The following TNRC6C variants were observed in gnomAD, a reference collection of about 807,000 sequenced individuals.
TNRC6C encodes the protein trinucleotide repeat containing adaptor 6C, also known as trinucleotide repeat-containing gene 6C protein.
A neutral mutation model predicts 153.7 loss-of-function variants in TNRC6C; 20 were observed. The ratio of observed to expected loss-of-function variants is 0.13; its 90% CI spans 0.09 to 0.19. The LOEUF (loss-of-function observed/expected upper bound fraction) is 0.19. Among genes scored for constraint, TNRC6C ranks in the 10% least tolerant of loss-of-function variants. TNRC6C has a pLI of 1.00. For missense variants in TNRC6C, 1,987 were observed against 2,172.0 expected (o/e 0.91, Z 1.69); for synonymous variants, 811 against 841.4 (o/e 0.96, Z 0.63).
At chr17:78,103,313 T>C in intron 18 of TNRC6C, 101 bp from the exon 22 acceptor site, 5 of 1,364,428 alleles carry the variant, frequency 3.7e-6, no homozygotes, top group Non-Finnish European at 5.0e-6. Context: ...AAAACATTCC[T>C]AGTGTTTAGT....
At chr17:77,984,531 AGGG>A (rs769853392) in intron 1 of TNRC6C, among the ~76,000 whole-genome samples, 2 of 152,056 alleles carry the variant, frequency 1.3e-5, no homozygotes, top group Non-Finnish European at 2.9e-5. Context: ...AAAAAGAAGT[AGGG>A]GGTATCTCTC....
intron 1 of TNRC6C, among the ~76,000 whole-genome samples, chr17:77,972,077 C>G (rs577026266): frequency 6.6e-6 from 1 of 151,442 alleles, no homozygotes; most frequent in Non-Finnish European, 1.5e-5. Flanking sequence ...GGAGTGGAAA[C>G]CAAAGAAATA....
intron 1 of TNRC6C, among the ~76,000 whole-genome samples, chr17:77,970,547 G>A (rs776570696): frequency 1.3e-5 from 2 of 152,170 alleles, no homozygotes; most frequent in Admixed American, 6.6e-5. Context: ...GACTGAGACT[G>A]GTATAGAGTC....
intron 7 of TNRC6C, among the ~76,000 whole-genome samples, chr17:78,074,143 C>T (rs2073045232): frequency 6.6e-6 from 1 of 152,144 alleles, no homozygotes; most frequent in South Asian, 2.1e-4. Flanking sequence ...CATGAGACAG[C>T]ACCTCAGCAC....
At chr17:78,062,351 T>TA (rs11432950) in intron 3 of TNRC6C, among the ~76,000 whole-genome samples, 151,182 of 152,310 alleles carry the variant, frequency 0.99, 75,030 homozygotes, top group East Asian at 1. Context: ...TTTCTTAGAA[T>TA]AAGAGTATCA....
intron 3 of TNRC6C, among the ~76,000 whole-genome samples, chr17:78,063,053 C>A (rs1379341211): frequency 6.6e-6 from 1 of 151,948 alleles, no homozygotes; most frequent in Non-Finnish European, 1.5e-5. Flanking sequence ...CGAGACCAGC[C>A]TGGCCAACAT....
At chr17:78,038,094 G>GAAAGAACTACAGAAA (rs2072216354) in intron 2 of TNRC6C, among the ~76,000 whole-genome samples, 1 of 152,144 alleles carries the variant, frequency 6.6e-6, no homozygotes, top group Non-Finnish European at 1.5e-5. Context: ...ACTACAGAAA[G>GAAAGAACTACAGAAA]ATGACGTAAG....
rs1424592243 is a variant in TNRC6C, at chr17:78,079,773, AC to A, written c.3357+234del. Among the ~76,000 whole-genome samples, 2 of 152,202 alleles carry A rather than the reference AC, an allele frequency of 1.3e-5. No individual in the cohort carries two copies. Among genetic ancestry groups the A allele is most frequent in the African/African-American group, 2.4e-5 (1 of 41,440 alleles). On this transcript the variant is annotated intron_variant, in intron 10 of 19. Transcript: ENST00000301624. The surrounding 1 kb of genome is among the most constrained non-coding windows in gnomAD (Gnocchi z 4.3). ...GCTTGCTCCTTGGAATGCCTCAGCC[AC>A]CGAAACTAGCATTTGGCATCTTCCT...
chr17:78,047,512 A>G (rs2072435752), intron 2 of TNRC6C, among the ~76,000 whole-genome samples: 1 of 152,186 alleles, frequency 6.6e-6, no homozygotes, highest in Non-Finnish European at 1.5e-5. Context: ...TTTTAGGTTG[A>G]TATTAGCTTT....
At chr17:77,963,781 G>C (rs909583957) in intron 1 of TNRC6C, among the ~76,000 whole-genome samples, 2 of 152,238 alleles carry the variant, frequency 1.3e-5, no homozygotes, top group Non-Finnish European at 2.9e-5. Context: ...GTGTCTCTCT[G>C]AGTTCCAGCT....
intron 11 of TNRC6C, among the ~76,000 whole-genome samples, chr17:78,084,113 G>A (rs148195947): frequency 1.3e-5 from 2 of 152,050 alleles, no homozygotes; most frequent in African/African-American, 2.4e-5. Context: ...GTGAAACCCC[G>A]TCTCTACTAA....
intron 13 of TNRC6C, among the ~76,000 whole-genome samples, chr17:78,091,143 G>A (rs1466261189): frequency 6.6e-6 from 1 of 152,116 alleles, no homozygotes; most frequent in African/African-American, 2.4e-5. Context: ...AATACATGTT[G>A]TTATGACGAT....
intron 15 of TNRC6C, chr17:78,093,349 A>G: frequency 1.5e-6 from 1 of 665,256 alleles, no homozygotes; most frequent in South Asian, 2.0e-5. Flanking sequence ...GAGGAGTGGA[A>G]GGGGTGGCAG....
intron 1 of TNRC6C, among the ~76,000 whole-genome samples, chr17:77,983,035 T>C (rs746965795): frequency 2.0e-5 from 3 of 152,080 alleles, no homozygotes; most frequent in Non-Finnish European, 4.4e-5. Flanking sequence ...AAAGATAGAT[T>C]CAGTGTCCCT....
intron 17 of TNRC6C, among the ~76,000 whole-genome samples, chr17:78,101,160 G>C (rs1223090330): frequency 1.3e-5 from 2 of 152,148 alleles, no homozygotes; most frequent in Non-Finnish European, 2.9e-5. Context: ...AGGCTTTGCT[G>C]CTTAGAAATT....
intron 1 of TNRC6C, among the ~76,000 whole-genome samples, chr17:77,974,905 A>G (rs2070976427): frequency 1.3e-5 from 2 of 152,242 alleles, no homozygotes; most frequent in African/African-American, 4.8e-5. Context: ...TTTTGCAGAA[A>G]ACTAATTCCA....
chr17:78,097,679 C>T, intron 16 of TNRC6C, 66 bp from the exon 19 acceptor site: 1 of 1,162,728 alleles, frequency 8.6e-7, no homozygotes, highest in Non-Finnish European at 1.2e-6. Context: ...TTCTCACACC[C>T]CACAGTTAGA....
intron 9 of TNRC6C, among the ~76,000 whole-genome samples, chr17:78,077,943 CA>C: frequency 6.6e-6 from 1 of 152,058 alleles, no homozygotes; most frequent in Non-Finnish European, 1.5e-5. Context: ...AATGTTGTAC[CA>C]AAAAACATAT....
intron 1 of TNRC6C, among the ~76,000 whole-genome samples, chr17:77,987,771 C>T (rs1244636070): frequency 6.6e-6 from 1 of 152,098 alleles, no homozygotes; most frequent in Non-Finnish European, 1.5e-5. Flanking sequence ...CCTCTGCCTC[C>T]CGGGTTCAAG....
Sources: allele counts gnomAD v4.1 joint callset (sites outside exome capture counted in the v4.1 genomes callset), GRCh38; gene constraint gnomAD v4.1.1; non-coding constraint Gnocchi (gnomAD v3.1); transcripts MANE v1.5; gene names NCBI Gene and HGNC (gene_info 2026-07-23, HGNC 2026-07-21).